The following CCNI variants were observed in gnomAD, a reference collection of about 807,000 sequenced individuals.
The protein encoded by CCNI is cyclin-I.
In CCNI, 14 loss-of-function variants were observed where a neutral mutation model predicts 34.1. The ratio of observed to expected loss-of-function variants is 0.41; its 90% confidence interval spans 0.27 to 0.64. The LOEUF is 0.64. CCNI is among the 30% of genes least tolerant of loss of function. CCNI has a pLI of 0.31. For synonymous variants in CCNI, 154 were observed against 158.4 expected, an observed-to-expected ratio of 0.97 and a Z score of 0.21; for missense variants, 385 against 440.5, an observed-to-expected ratio of 0.87 and a Z score of 1.13.
At chr4:77,065,585 G>T (rs1183518455) in intron 2 of CCNI, among the ~76,000 whole-genome samples, 2 of 152,196 alleles carry the variant, frequency 1.3e-5, no homozygotes, top group African/African-American at 4.8e-5. Context: ...TAGGTTTTTA[G>T]TTGACTAAAG....
At chr4:77,053,859 C>A (rs192861561) in intron 6 of CCNI, among the ~76,000 whole-genome samples, 266 of 152,216 alleles carry the variant, frequency 1.7e-3, no homozygotes, top group African/African-American at 5.0e-3. Flanking sequence ...GGTGGTTTAT[C>A]ATAATTTCTA....
Position 77,075,623 on chromosome 4 carries a change from G to A in CCNI, c.-195C>T, listed in dbSNP as rs1729885864. 3 of 960,818 alleles carry A rather than the reference G, an allele frequency of 3.1e-6. No individual in the cohort carries two copies. Among genetic ancestry groups the A allele is most frequent in the African/African-American group, 3.6e-5 (2 of 56,314 alleles). 59.5% of individuals were successfully genotyped at this position (960,818 alleles called of 1,614,324 possible). On this transcript the variant is annotated 5_prime_UTR_variant, in exon 1 of 7. Coordinates refer to ENST00000237654, the MANE Select transcript of CCNI (RefSeq NM_006835.3). Reference sequence around the variant, plus strand: ...GACGACTCGGCCAACTGAGGAGGGAGAAAGGGGAAGCGGATCGGGGGGCGC... The same window carrying A: ...GACGACTCGGCCAACTGAGGAGGGAAAAAGGGGAAGCGGATCGGGGGGCGC...
intron 2 of CCNI, among the ~76,000 whole-genome samples, chr4:77,060,475 T>C (rs1227885014): frequency 3.9e-5 from 6 of 152,182 alleles, no homozygotes; most frequent in Admixed American, 3.9e-4. Flanking sequence ...ATATACTTTT[T>C]GAGACAGGGT....
intron 2 of CCNI, among the ~76,000 whole-genome samples, chr4:77,059,053 A>G (rs1295060261): frequency 6.6e-6 from 1 of 152,164 alleles, no homozygotes; most frequent in African/African-American, 2.4e-5. Context: ...GGAAATATAA[A>G]TGAACTATGA....
intron 1 of CCNI, among the ~76,000 whole-genome samples, chr4:77,074,371 T>C (rs1287952963): frequency 1.3e-5 from 2 of 152,236 alleles, no homozygotes; most frequent in Non-Finnish European, 2.9e-5. Context: ...CGTCCATTAT[T>C]TCTTAATCTA....
intron 1 of CCNI, among the ~76,000 whole-genome samples, chr4:77,069,275 G>A (rs1371556864): frequency 6.6e-6 from 1 of 152,080 alleles, no homozygotes; most frequent in Non-Finnish European, 1.5e-5. Flanking sequence ...AAATTAGGCA[G>A]GCGTGGTGGC....
At chr4:77,053,467 A>G (rs1184007925) in intron 6 of CCNI, among the ~76,000 whole-genome samples, 5 of 152,062 alleles carry the variant, frequency 3.3e-5, no homozygotes, top group Admixed American at 3.3e-4. Flanking sequence ...TTCAGTGAAT[A>G]CTCTCTTCCT....
intron 5 of CCNI, 27 bp downstream of exon 5, chr4:77,055,935 A>G: frequency 6.4e-7 from 1 of 1,570,746 alleles, no homozygotes; most frequent in South Asian, 1.2e-5. Context: ...CTCAAATAAG[A>G]AACTAAAAGA....
intron 2 of CCNI, among the ~76,000 whole-genome samples, chr4:77,062,418 G>C (rs1728678270): frequency 6.6e-6 from 1 of 152,136 alleles, no homozygotes; most frequent in Non-Finnish European, 1.5e-5. Context: ...AAAAAAATTA[G>C]GCATGGTGGT....
At chr4:77,066,118 AG>A in intron 2 of CCNI, 130 bp downstream of exon 2, 1 of 709,796 alleles carries the variant, frequency 1.4e-6, no homozygotes, top group East Asian at 2.8e-5. Flanking sequence ...AGAAACAGGG[AG>A]AGTCTCTCAA....
chr4:77,048,972 T>G (rs1385893734), intron 6 of CCNI, among the ~76,000 whole-genome samples: 81 of 144,066 alleles, frequency 5.6e-4, no homozygotes, highest in African/African-American at 1.8e-3. Flanking sequence ...GTTTTTTTTT[T>G]TTTTTTTTTT....
At chr4:77,057,336 G>T (rs889442753) in intron 3 of CCNI, among the ~76,000 whole-genome samples, 10 of 152,176 alleles carry the variant, frequency 6.6e-5, no homozygotes, top group African/African-American at 1.9e-4. Flanking sequence ...TTGAAACAAA[G>T]TTGGAGAAAT....
At chr4:77,053,894 C>G (rs1288693821) in intron 6 of CCNI, among the ~76,000 whole-genome samples, 3 of 151,898 alleles carry the variant, frequency 2.0e-5, no homozygotes, top group African/African-American at 7.2e-5. Flanking sequence ...CAACTACCTC[C>G]TAGGATTTAT....
At chr4:77,063,344 TA>T (rs745761323) in intron 2 of CCNI, among the ~76,000 whole-genome samples, 16,049 of 76,990 alleles carry the variant, frequency 0.21, 1,201 homozygotes, top group East Asian at 0.48. Context: ...GAAAGGGAGG[TA>T]AAAAAAAAAA....
chr4:77,065,236 A>G (rs894140421), intron 2 of CCNI, among the ~76,000 whole-genome samples: 1 of 152,252 alleles, frequency 6.6e-6, no homozygotes, highest in Non-Finnish European at 1.5e-5. Context: ...TAAGCAAAGG[A>G]TAGCCTAAAA....
intron 6 of CCNI, among the ~76,000 whole-genome samples, chr4:77,052,082 C>A (rs1727889634): frequency 5.9e-5 from 9 of 151,864 alleles, no homozygotes. Flanking sequence ...GTAGTGAGCA[C>A]AGTACCCAAC....
intron 6 of CCNI, among the ~76,000 whole-genome samples, chr4:77,052,060 C>T (rs1032332701): frequency 6.6e-6 from 1 of 151,230 alleles, no homozygotes; most frequent in African/African-American, 2.4e-5. Flanking sequence ...TACAAGTGAT[C>T]CTGTCAACCA....
chr4:77,060,378 A>G (rs766205247), intron 2 of CCNI, among the ~76,000 whole-genome samples: 6 of 152,260 alleles, frequency 3.9e-5, no homozygotes, highest in Admixed American at 3.9e-4. Flanking sequence ...ACAAATTTAC[A>G]AAACATTATC....
rs745802676 is a variant in CCNI at position 77,056,309 on chromosome 4, G to A, written c.258C>T (p.Tyr86=). 6 of 1,613,180 alleles carry A rather than the reference G, an allele frequency of 3.7e-6. No individual in the cohort carries two copies. In the African/African-American group the frequency reaches 5.3e-5, roughly 14 times the overall value. ...FLATVKAHPK[Y]LSCIAISCFF... is the part of the protein sequence containing the mutation. Reference sequence around the variant, plus strand: ...AACAGCTGATTGCAATACAACTCAAGTATTTTGGATGAGCCTAAAATTTTG... The same window carrying A: ...AACAGCTGATTGCAATACAACTCAAATATTTTGGATGAGCCTAAAATTTTG... The change falls in exon 4 of 7, where the codon TAC becomes TAT. Residue 86 remains tyrosine (Y), a synonymous_variant. Transcript: ENST00000237654.
Sources: allele counts gnomAD v4.1 joint callset (sites outside exome capture counted in the v4.1 genomes callset), GRCh38; gene constraint gnomAD v4.1.1; transcripts MANE v1.5; gene names NCBI Gene and HGNC (gene_info 2026-07-23, HGNC 2026-07-21).